Variants in OSBPL3 observed in about 807,000 individuals in gnomAD.
OSBPL3 encodes oxysterol-binding protein-related protein 3.
OSBPL3 carries 65 observed loss-of-function variants against 120.1 expected under a neutral mutation model. The observed-to-expected ratio is 0.54, with a 90% CI of 0.44 to 0.67. The LOEUF (loss-of-function observed/expected upper bound fraction) is 0.67. OSBPL3 is among the 30% of genes least tolerant of loss of function. OSBPL3 has a pLI of 0.00. For missense variants in OSBPL3, 1,004 were observed against 1,082.1 expected (o/e 0.93, Z 1.01); for synonymous variants, 416 against 402.6 (o/e 1.03, Z -0.40).
chr7:24,964,406 A>C lies in OSBPL3; in HGVS notation c.-150+15480T>G, dbSNP rs915341474. Among the ~76,000 whole-genome samples, 9 of 152,356 alleles carry C rather than the reference A, an allele frequency of 5.9e-5. No homozygotes were observed. The highest frequency in any genetic ancestry group is 1.0e-4 in the Non-Finnish European group (7 of 68,038). Reference sequence around the variant, plus strand: ...TATACTCTTGATATGATGTAATGAGAATGGCATTTTACCTCTGTAATCTTC... The same window carrying C: ...TATACTCTTGATATGATGTAATGAGCATGGCATTTTACCTCTGTAATCTTC... On this transcript the variant is annotated intron_variant, in intron 1 of 22. Coordinates refer to ENST00000313367, the MANE Select transcript of OSBPL3 (RefSeq NM_015550.4). The surrounding 1 kb of genome is among the most constrained non-coding windows in gnomAD (Gnocchi z 4.2).
chr7:24,828,592 G>A (rs1465404128), intron 16 of OSBPL3, among the ~76,000 whole-genome samples: 1 of 112,962 alleles, frequency 8.9e-6, no homozygotes, highest in East Asian at 2.7e-4. Flanking sequence ...GGGCGACAAA[G>A]TGAGACTCTG....
In OSBPL3 at chr7:24,966,723, T is replaced by C. The variant is rs559467663; in HGVS notation, c.-150+13163A>G. ...CTGAAAACCTAATTAGGGTGGAGTT[T>C]TACACTATGTTTGTGTATATGTATG... On this transcript the variant is annotated intron_variant, in intron 1 of 22. Coordinates refer to ENST00000313367, the MANE Select transcript of OSBPL3 (RefSeq NM_015550.4). The surrounding 1 kb of genome is among the most constrained non-coding windows in gnomAD (Gnocchi z 4.8). 1.3e-5 allele frequency among the ~76,000 whole-genome samples: 2 copies of C among 152,290 alleles called. No individual in the cohort carries two copies. The highest frequency in any genetic ancestry group is 3.9e-4 in the East Asian group (2 of 5,192).
intron 1 of OSBPL3, among the ~76,000 whole-genome samples, chr7:24,958,229 T>C (rs895226277): frequency 2.0e-5 from 3 of 152,184 alleles, no homozygotes; most frequent in African/African-American, 7.2e-5. Context: ...CTGATCAATA[T>C]AAATCTCTTA....
At position 24,965,937 on chromosome 7, in the gene OSBPL3, T is replaced by C. The variant is rs997699344; in HGVS notation, c.-150+13949A>G. ...TTCCCTCAAGGGTGTGTCCCATTCA[T>C]GTGGCCCCACCCCTCCAGCTGGCTC... On this transcript the variant is annotated intron_variant, in intron 1 of 22. Coordinates refer to ENST00000313367, the MANE Select transcript of OSBPL3 (RefSeq NM_015550.4). This position sits in a 1 kb window ranked among gnomAD's most constrained non-coding sequence, Gnocchi z 4.3. Among the ~76,000 whole-genome samples the C allele has an allele frequency of 8.5e-5, 13 of 152,214 alleles. No individual in the cohort carries two copies. Among genetic ancestry groups the C allele is most frequent in the African/African-American group, 3.1e-4 (13 of 41,462 alleles).
At position 24,831,585 on chromosome 7, in the gene OSBPL3, C is replaced by T. The variant is rs1796371904; in HGVS notation, c.1747-680G>A. On this transcript the variant is annotated intron_variant, in intron 15 of 22. Transcript: ENST00000313367. This position sits in a 1 kb window ranked among gnomAD's most constrained non-coding sequence, Gnocchi z 4.0. Reference sequence around the variant, plus strand: ...CTCTGGGCAGCCCTTACTGTGAGGTCTTGGCGTCTTTAGCAATTCCCCGTC... The same window carrying T: ...CTCTGGGCAGCCCTTACTGTGAGGTTTTGGCGTCTTTAGCAATTCCCCGTC... Among the ~76,000 whole-genome samples the T allele has an allele frequency of 1.3e-5, 2 of 152,206 alleles. No homozygotes were observed. Among genetic ancestry groups the T allele is most frequent in the African/African-American group, 4.8e-5 (2 of 41,450 alleles).
At position 24,822,002 on chromosome 7, in the gene OSBPL3, T is replaced by A. The variant is rs1795184458; in HGVS notation, c.1885-1764A>T. On this transcript the variant is annotated intron_variant, in intron 16 of 22. Transcript: ENST00000313367. This position sits in a 1 kb window ranked among gnomAD's most constrained non-coding sequence, Gnocchi z 5.8. ...GATCCTCCTGTCTCAGCCTCTCAAGTTGCTGGGACTAAAGGTGTGTGCCAC... is the reference window on the plus strand; with the variant it reads ...GATCCTCCTGTCTCAGCCTCTCAAGATGCTGGGACTAAAGGTGTGTGCCAC... 6.6e-6 allele frequency among the ~76,000 whole-genome samples: 1 copy of A among 152,140 alleles called. No individual in the cohort carries two copies. Among genetic ancestry groups the A allele is most frequent in the Non-Finnish European group, 1.5e-5 (1 of 68,012 alleles).
intron 10 of OSBPL3, among the ~76,000 whole-genome samples, chr7:24,856,261 A>G (rs1799827038): frequency 6.6e-6 from 1 of 152,062 alleles, no homozygotes; most frequent in Non-Finnish European, 1.5e-5. Context: ...ATGGAACATC[A>G]TAAGCGTCGT....
At position 24,967,174 on chromosome 7, in the gene OSBPL3, A is replaced by C. The variant is rs1000481792; in HGVS notation, c.-150+12712T>G. On this transcript the variant is annotated intron_variant, in intron 1 of 22. Coordinates refer to ENST00000313367, the MANE Select transcript of OSBPL3 (RefSeq NM_015550.4). This position sits in a 1 kb window ranked among gnomAD's most constrained non-coding sequence, Gnocchi z 5.6. ...CACAGTGTACACACAGAAATCTTCC[A>C]ATCATACAACATTTAATTTTTGTAT... Among the ~76,000 whole-genome samples, 17 of 152,212 alleles carry C rather than the reference A, an allele frequency of 1.1e-4. No homozygotes were observed. Among genetic ancestry groups the C allele is most frequent in the African/African-American group, 4.1e-4 (17 of 41,440 alleles).
At chr7:24,839,705 T>C (rs1320060495) in intron 14 of OSBPL3, among the ~76,000 whole-genome samples, 4 of 152,076 alleles carry the variant, frequency 2.6e-5, no homozygotes, top group African/African-American at 4.8e-5. Flanking sequence ...AAGGGATATC[T>C]GGCCCAGGCA....
chr7:24,920,064 A>T (rs1306420172), intron 1 of OSBPL3, among the ~76,000 whole-genome samples: 1 of 152,140 alleles, frequency 6.6e-6, no homozygotes, highest in Non-Finnish European at 1.5e-5. Context: ...TGGGAATGCA[A>T]ACTTTGGAAA....
rs1474429382 is a variant in OSBPL3 at position 24,891,561 on chromosome 7, C to A, written c.96+816G>T. On this transcript the variant is annotated intron_variant, in intron 2 of 22. Transcript: ENST00000313367. This position sits in a 1 kb window ranked among gnomAD's most constrained non-coding sequence, Gnocchi z 4.1. ...AGCAGGTGCTGAAAAGGCTCAGAGACCACTTTGGTCATAAATTCAGCTTTC... is the reference window on the plus strand; with the variant it reads ...AGCAGGTGCTGAAAAGGCTCAGAGAACACTTTGGTCATAAATTCAGCTTTC... 6.6e-6 allele frequency among the ~76,000 whole-genome samples: 1 copy of A among 152,188 alleles called. No individual in the cohort carries two copies. Among genetic ancestry groups the A allele is most frequent in the Non-Finnish European group, 1.5e-5 (1 of 68,040 alleles).
chr7:24,961,073 A>C (rs889702125), intron 1 of OSBPL3, among the ~76,000 whole-genome samples: 9 of 152,236 alleles, frequency 5.9e-5, no homozygotes, highest in African/African-American at 2.2e-4. Context: ...TTTTAAAAAA[A>C]ATTCTTCTCC....
Position 24,967,768 on chromosome 7 carries a change from C to T in OSBPL3, c.-150+12118G>A, listed in dbSNP as rs555178321. 7.2e-5 allele frequency among the ~76,000 whole-genome samples: 11 copies of T among 152,126 alleles called. No homozygotes were observed. The highest frequency in any genetic ancestry group is 4.6e-4 in the Admixed American group (7 of 15,282). On this transcript the variant is annotated intron_variant, in intron 1 of 22. Transcript: ENST00000313367. The surrounding 1 kb of genome is among the most constrained non-coding windows in gnomAD (Gnocchi z 5.6). The stretch of plus-strand genomic sequence containing the variant: ...GCCCCAAAGGTTCTATAGGTAAAGG[C>T]CCCCTTAACTGTCACAATTTTAACT...
At chr7:24,880,775 C>A (rs1008397167) in intron 2 of OSBPL3, among the ~76,000 whole-genome samples, 1 of 152,194 alleles carries the variant, frequency 6.6e-6, no homozygotes, top group African/African-American at 2.4e-5. Flanking sequence ...CTCATGAGCA[C>A]ACACCTTGTA....
At position 24,877,957 on chromosome 7, in the gene OSBPL3, G is replaced by T. The variant is rs931104474; in HGVS notation, c.97-5888C>A. Among the ~76,000 whole-genome samples the T allele has an allele frequency of 6.6e-6, 1 of 152,170 alleles. No individual in the cohort carries two copies. Among genetic ancestry groups the T allele is most frequent in the African/African-American group, 2.4e-5 (1 of 41,424 alleles). ...AATACCAGGTGGAGAGAGAAACATG[G>T]GAGGGGTTGGGGGATGTGGCTTCTT... On this transcript the variant is annotated intron_variant, in intron 2 of 22. Transcript: ENST00000313367. The surrounding 1 kb of genome is among the most constrained non-coding windows in gnomAD (Gnocchi z 4.8).
intron 1 of OSBPL3, among the ~76,000 whole-genome samples, chr7:24,895,904 A>T (rs1806064595): frequency 6.6e-6 from 1 of 152,224 alleles, no homozygotes; most frequent in Non-Finnish European, 1.5e-5. Context: ...CACATACAGA[A>T]TGTTACACTT....
In OSBPL3 at chr7:24,953,891, A is replaced by G. The variant is rs1814738225; in HGVS notation, c.-150+25995T>C. 6.6e-6 allele frequency among the ~76,000 whole-genome samples: 1 copy of G among 152,230 alleles called. No homozygotes were observed. Among genetic ancestry groups the G allele is most frequent in the African/African-American group, 2.4e-5 (1 of 41,468 alleles). On this transcript the variant is annotated intron_variant, in intron 1 of 22. Coordinates refer to ENST00000313367, the MANE Select transcript of OSBPL3 (RefSeq NM_015550.4). This position sits in a 1 kb window ranked among gnomAD's most constrained non-coding sequence, Gnocchi z 4.3. ...AAATGTGAGACAAAACAGCTCATGAAGAAAATAATCCTTATGGTAATCATC... is the reference window on the plus strand; with the variant it reads ...AAATGTGAGACAAAACAGCTCATGAGGAAAATAATCCTTATGGTAATCATC...
chr7:24,915,559 T>C (rs1384156931), intron 1 of OSBPL3, among the ~76,000 whole-genome samples: 2 of 151,778 alleles, frequency 1.3e-5, no homozygotes, highest in Non-Finnish European at 2.9e-5. Flanking sequence ...AAATTCACCA[T>C]GTTGCCCACC....
At chr7:24,892,862 T>C (rs746265327) in intron 1 of OSBPL3, among the ~76,000 whole-genome samples, 21 of 152,128 alleles carry the variant, frequency 1.4e-4, no homozygotes, top group Non-Finnish European at 2.9e-4. Context: ...AAAATTTGAG[T>C]CCAGACACAT....
Sources: allele counts gnomAD v4.1 joint callset (sites outside exome capture counted in the v4.1 genomes callset), GRCh38; gene constraint gnomAD v4.1.1; non-coding constraint Gnocchi (gnomAD v3.1); transcripts MANE v1.5; gene names NCBI Gene and HGNC (gene_info 2026-07-23, HGNC 2026-07-21).